The following CHCHD3 variants were observed in gnomAD, a reference collection of about 807,000 sequenced individuals.
CHCHD3 encodes coiled-coil-helix-coiled-coil-helix domain containing 3, also known as MICOS complex subunit MIC19.
Under a neutral mutation model 38.2 loss-of-function variants are expected in CHCHD3, and 20 were observed. The observed-to-expected ratio is 0.52, with a 90% CI of 0.37 to 0.76. The LOEUF (loss-of-function observed/expected upper bound fraction) is 0.76, where lower values mean the gene tolerates loss of function less well. CHCHD3 is among the 30% of genes least tolerant of loss of function. The pLI is 0.00. For synonymous variants in CHCHD3, 82 were observed against 100.0 expected (o/e 0.82, Z 1.07); for missense variants, 245 against 279.2 (o/e 0.88, Z 0.87).
rs543204819 is a variant in CHCHD3 at position 132,838,584 on chromosome 7, G to A, written c.454-115C>T. On this transcript the variant is annotated intron_variant, in intron 5 of 7. Coordinates refer to ENST00000262570, the MANE Select transcript of CHCHD3 (RefSeq NM_017812.4). ...TGTTTCAGCCACTCAAGCAGTAGAA[G>A]ACTTTCTTGTATAGGTGGCATGGAT... 5.0e-5 allele frequency: 36 copies of A among 713,378 alleles called. No individual in the cohort carries two copies. The African/African-American group carries it at 6.1e-4, about 12-fold the overall frequency. The allele number at this position is 713,378 out of a possible 1,614,324, so 44.2% of individuals were successfully genotyped here. A position where few individuals can be genotyped will look rare whatever the true frequency, so the allele number is the denominator to read the frequency against.
intron 4 of CHCHD3, among the ~76,000 whole-genome samples, chr7:132,914,275 G>C (rs1218008930): frequency 6.6e-6 from 1 of 151,966 alleles, no homozygotes; most frequent in Non-Finnish European, 1.5e-5. Context: ...GGCATGAGCC[G>C]ACACACCCGG....
intron 3 of CHCHD3, chr7:133,022,302 A>C (rs940152034): frequency 2.5e-6 from 1 of 398,858 alleles, no homozygotes; most frequent in Admixed American, 2.8e-5. Flanking sequence ...AAAAGAGAAA[A>C]CTTGGCACGC....
intron 4 of CHCHD3, among the ~76,000 whole-genome samples, chr7:132,893,468 T>A (rs1157813737): frequency 1.3e-5 from 2 of 152,204 alleles, no homozygotes; most frequent in African/African-American, 4.8e-5. Flanking sequence ...GACTTTGGAC[T>A]TGGACTTTTG....
rs191682188 is a variant in CHCHD3, at chr7:132,974,064, T to C, written c.369+1105A>G. The C allele has an allele frequency of 3.1e-4, 385 of 1,253,498 alleles. 2 individuals carry two copies. The Middle Eastern group carries it at 6.3e-3, about 20-fold the overall frequency. The allele number at this position is 1,253,498 out of a possible 1,614,324, so 77.6% of individuals were successfully genotyped here. A position where few individuals can be genotyped will look rare whatever the true frequency, so the allele number is the denominator to read the frequency against. On this transcript the variant is annotated intron_variant, in intron 4 of 7. Transcript: ENST00000262570. Reference sequence around the variant, plus strand: ...TAAGAAATTGCTTAATAAATTATGTTGAATACAAAAGGCAGAACATTATTC... The same window carrying C: ...TAAGAAATTGCTTAATAAATTATGTCGAATACAAAAGGCAGAACATTATTC...
At chr7:132,860,443 A>G (rs1270230315) in intron 5 of CHCHD3, among the ~76,000 whole-genome samples, 1 of 152,150 alleles carries the variant, frequency 6.6e-6, no homozygotes, top group Non-Finnish European at 1.5e-5. Context: ...CTGAAGCCAG[A>G]GATACAGGAA....
chr7:132,844,935 A>G (rs887048582), intron 5 of CHCHD3: 1 of 152,262 alleles, frequency 6.6e-6, no homozygotes, highest in African/African-American at 2.4e-5. Flanking sequence ...CCATGGATCA[A>G]TTACTGAAAA....
chr7:133,033,714 G>A (rs781321349), intron 2 of CHCHD3, among the ~76,000 whole-genome samples: 3 of 151,970 alleles, frequency 2.0e-5, no homozygotes, highest in Non-Finnish European at 4.4e-5. Flanking sequence ...CTGCCTTAAG[G>A]TGCCCAAACA....
chr7:132,843,193 CA>C (rs1246278900), intron 5 of CHCHD3, among the ~76,000 whole-genome samples: 1 of 152,118 alleles, frequency 6.6e-6, no homozygotes, highest in Non-Finnish European at 1.5e-5. Flanking sequence ...GCACATCCAC[CA>C]CACCCAGCTA....
At chr7:132,875,268 C>T (rs1442595306) in intron 5 of CHCHD3, among the ~76,000 whole-genome samples, 4 of 152,128 alleles carry the variant, frequency 2.6e-5, no homozygotes, top group African/African-American at 9.7e-5. Context: ...CCTAACATTC[C>T]TCAAAATTAT....
At chr7:132,999,993 C>G (rs1812522245) in intron 3 of CHCHD3, among the ~76,000 whole-genome samples, 1 of 152,042 alleles carries the variant, frequency 6.6e-6, no homozygotes. Flanking sequence ...TTTTTTATAT[C>G]ATGACATTAT....
intron 4 of CHCHD3, among the ~76,000 whole-genome samples, chr7:132,936,779 C>A (rs758198163): frequency 4.6e-5 from 7 of 152,178 alleles, no homozygotes; most frequent in Non-Finnish European, 8.8e-5. Flanking sequence ...TAAAGTTATT[C>A]TTGACACAAG....
At chr7:132,820,994 G>T (rs1429548353) in intron 6 of CHCHD3, among the ~76,000 whole-genome samples, 3 of 152,138 alleles carry the variant, frequency 2.0e-5, no homozygotes, top group Non-Finnish European at 2.9e-5. Flanking sequence ...TATTAAAACA[G>T]AATTATTATT....
At position 132,884,770 on chromosome 7, in the gene CHCHD3, T is replaced by C. The variant is rs183338066; in HGVS notation, c.453+892A>G. Among the ~76,000 whole-genome samples, 37 of 152,280 alleles carry C rather than the reference T, an allele frequency of 2.4e-4. No homozygotes were observed. The South Asian group carries it at 3.3e-3, about 14-fold the overall frequency. On this transcript the variant is annotated intron_variant, in intron 5 of 7. Transcript: ENST00000262570. ...GGGCACTGATAAGGTGCTCAAACTC[T>C]CATTCTTAAACTCACTGCCTTCTTT... is the stretch of plus-strand genomic sequence containing the variant.
intron 4 of CHCHD3, among the ~76,000 whole-genome samples, chr7:132,917,179 T>C (rs1810127432): frequency 6.6e-6 from 1 of 152,186 alleles, no homozygotes; most frequent in Non-Finnish European, 1.5e-5. Context: ...CTGGACAGAA[T>C]CTAAAACTGT....
chr7:132,841,304 C>T (rs1258520542), intron 5 of CHCHD3, among the ~76,000 whole-genome samples: 2 of 151,306 alleles, frequency 1.3e-5, no homozygotes, highest in Non-Finnish European at 1.5e-5. Context: ...TCACAAATGC[C>T]GAGTTAAAAG....
chr7:132,838,475 GACAA>G lies in CHCHD3; in HGVS notation c.454-10_454-7del. The G allele has an allele frequency of 6.2e-7, 1 of 1,601,278 alleles. No homozygotes were observed. The highest frequency in any genetic ancestry group is 8.5e-7 in the Non-Finnish European group (1 of 1,170,650). On this transcript the variant is annotated splice_region_variant and splice_polypyrimidine_tract_variant and intron_variant, in intron 5 of 7. Transcript: ENST00000262570. ...ACTCTGTAGAACTCTGAGCTCTGTGGACAAAGATTGATAGCAAAGGTTTCACTAT... is the reference window on the plus strand; with the variant it reads ...ACTCTGTAGAACTCTGAGCTCTGTGGAGATTGATAGCAAAGGTTTCACTAT...
At chr7:132,929,276 C>T (rs2117251636) in intron 4 of CHCHD3, among the ~76,000 whole-genome samples, 1 of 152,242 alleles carries the variant, frequency 6.6e-6, no homozygotes, top group South Asian at 2.1e-4. Flanking sequence ...GAAACTTCAC[C>T]TCTGACGGAT....
intron 4 of CHCHD3, among the ~76,000 whole-genome samples, chr7:132,962,963 T>C (rs1811356585): frequency 6.6e-6 from 1 of 152,078 alleles, no homozygotes; most frequent in Admixed American, 6.6e-5. Context: ...TAAAGAATAT[T>C]ATTGAGAAAA....
intron 6 of CHCHD3, among the ~76,000 whole-genome samples, chr7:132,837,502 T>G (rs1430689768): frequency 6.6e-6 from 1 of 152,194 alleles, no homozygotes; most frequent in African/African-American, 2.4e-5. Context: ...CAAACTACCT[T>G]TAATTTTTAA....
Sources: gnomAD v4.1 joint callset for allele counts (sites outside exome capture counted in the v4.1 genomes callset) on GRCh38, gnomAD v4.1.1 for gene constraint, MANE v1.5 for transcripts, NCBI Gene and HGNC (gene_info 2026-07-23, HGNC 2026-07-21) for gene names.